Variants in CEP85L observed in about 807,000 individuals in gnomAD.
The protein encoded by CEP85L is centrosomal protein of 85 kDa-like.
A neutral mutation model predicts 100.3 loss-of-function variants in CEP85L; 60 were observed. That is an observed-to-expected ratio of 0.60 (90% confidence interval 0.49 to 0.74). The LOEUF is 0.74. Among genes scored for constraint, CEP85L ranks in the 30% least tolerant of loss-of-function variants. CEP85L has a pLI of 0.00. For synonymous variants in CEP85L, 319 were observed against 322.7 expected (o/e 0.99, Z 0.12); for missense variants, 973 against 936.2 (o/e 1.04, Z -0.51).
chr6:118,536,074 T>C (rs1299508743), intron 3 of CEP85L, among the ~76,000 whole-genome samples: 1 of 152,132 alleles, frequency 6.6e-6, no homozygotes, highest in East Asian at 1.9e-4. Context: ...AAAAAGAACT[T>C]ATCATAATAA....
At chr6:118,591,032 G>C (rs1781162132) in intron 2 of CEP85L, among the ~76,000 whole-genome samples, 2 of 152,140 alleles carry the variant, frequency 1.3e-5, no homozygotes, top group Admixed American at 1.3e-4. Context: ...GTTCAGTTCA[G>C]CTGGGTAAGG....
At chr6:118,487,490 AGAAATCCAAAAATTAGTCAAG>A (rs559948451) in intron 6 of CEP85L, among the ~76,000 whole-genome samples, 161 of 152,360 alleles carry the variant, frequency 1.1e-3, no homozygotes, top group African/African-American at 3.8e-3. Flanking sequence ...TCCCTTTTTA[AGAAATCCAAAAATTAGTCAAG>A]AAGCTATTGT....
intron 2 of CEP85L, among the ~76,000 whole-genome samples, chr6:118,608,311 CG>C (rs1037821574): frequency 5.3e-5 from 8 of 151,996 alleles, no homozygotes; most frequent in Non-Finnish European, 8.8e-5. Flanking sequence ...CTGGCTAACA[CG>C]GTGAAACCCC....
At chr6:118,577,911 G>C (rs137990486) in intron 2 of CEP85L, among the ~76,000 whole-genome samples, 13 of 152,178 alleles carry the variant, frequency 8.5e-5, no homozygotes, top group African/African-American at 2.9e-4. Flanking sequence ...CCTTGTATTC[G>C]TGGATTAGTG....
chr6:118,705,558 G>T (rs1245802397), intron 1 of CEP85L, among the ~76,000 whole-genome samples: 1 of 152,228 alleles, frequency 6.6e-6, no homozygotes, highest in Non-Finnish European at 1.5e-5. Context: ...TCTTAACATT[G>T]TTGAGTTGTG....
chr6:118,573,758 G>A (rs1024257148), intron 2 of CEP85L, among the ~76,000 whole-genome samples: 10 of 152,122 alleles, frequency 6.6e-5, no homozygotes, highest in African/African-American at 1.2e-4. Flanking sequence ...CAGAAGATAC[G>A]TAGAGATGGT....
chr6:118,519,978 G>C (rs1776562479), intron 4 of CEP85L, among the ~76,000 whole-genome samples: 1 of 152,106 alleles, frequency 6.6e-6, no homozygotes, highest in Non-Finnish European at 1.5e-5. Context: ...AACCAAGCGG[G>C]TATATCCCAG....
chr6:118,574,651 C>T (rs1038699075), intron 2 of CEP85L, among the ~76,000 whole-genome samples: 4 of 152,098 alleles, frequency 2.6e-5, no homozygotes, highest in South Asian at 2.1e-4. Flanking sequence ...CCTGGACTCT[C>T]GGCAACACAG....
intron 4 of CEP85L, among the ~76,000 whole-genome samples, chr6:118,516,136 T>A (rs886918899): frequency 6.6e-6 from 1 of 152,226 alleles, no homozygotes; most frequent in African/African-American, 2.4e-5. Context: ...CACATTTTCT[T>A]CACCCAGTTG....
chr6:118,481,214 C>G (rs758564344), intron 8 of CEP85L, among the ~76,000 whole-genome samples: 1 of 151,420 alleles, frequency 6.6e-6, no homozygotes, highest in Non-Finnish European at 1.5e-5. Context: ...TTTACTGGCC[C>G]CTTTTTCGTT....
chr6:118,615,863 G>A (rs1020568009), intron 2 of CEP85L, among the ~76,000 whole-genome samples: 1 of 152,176 alleles, frequency 6.6e-6, no homozygotes, highest in African/African-American at 2.4e-5. Context: ...ACATGACTTC[G>A]CAGTGATAGA....
chr6:118,679,816 C>T lies in CEP85L; in HGVS notation c.-27-27008G>A, dbSNP rs141467972. 1.8e-4 allele frequency among the ~76,000 whole-genome samples: 27 copies of T among 152,242 alleles called. 1 individual carries two copies. In the East Asian group the frequency reaches 3.9e-3, roughly 22 times the overall value. On this transcript the variant is annotated intron_variant, in intron 1 of 13. Transcript: ENST00000368488. ...TCCTCTTTTACACATTTTGAAATCA[C>T]ATTTTTTTTTAACTACAATGGAACT...
intron 4 of CEP85L, among the ~76,000 whole-genome samples, chr6:118,515,456 T>C (rs982592038): frequency 2.6e-5 from 4 of 152,160 alleles, no homozygotes; most frequent in African/African-American, 9.7e-5. Context: ...TCTTCAAGGA[T>C]ACATGAAACA....
At chr6:118,515,300 C>T (rs1776207871) in intron 4 of CEP85L, among the ~76,000 whole-genome samples, 1 of 152,044 alleles carries the variant, frequency 6.6e-6, no homozygotes, top group African/African-American at 2.4e-5. Context: ...TATTTTGACA[C>T]CTGGATCTCA....
chr6:118,499,618 C>T (rs538039242), intron 5 of CEP85L, among the ~76,000 whole-genome samples: 17 of 151,686 alleles, frequency 1.1e-4, no homozygotes, highest in Non-Finnish European at 2.2e-4. Context: ...GAGCCCAGAT[C>T]GCATCACTGC....
intron 1 of CEP85L, among the ~76,000 whole-genome samples, chr6:118,694,661 A>T (rs1053621381): frequency 6.6e-6 from 1 of 152,264 alleles, no homozygotes; most frequent in Non-Finnish European, 1.5e-5. Flanking sequence ...GCAGCATCAC[A>T]TCATAGTTCA....
intron 3 of CEP85L, among the ~76,000 whole-genome samples, chr6:118,552,663 T>C (rs1048434923): frequency 6.6e-6 from 1 of 152,058 alleles, no homozygotes; most frequent in African/African-American, 2.4e-5. Flanking sequence ...GAACTTGATT[T>C]TTTTTTTAAT....
intron 3 of CEP85L, among the ~76,000 whole-genome samples, chr6:118,552,006 T>C (rs1486894041): frequency 6.6e-6 from 1 of 152,006 alleles, no homozygotes; most frequent in Non-Finnish European, 1.5e-5. Context: ...TGTCAGAAAG[T>C]AGTAGAAAAA....
intron 3 of CEP85L, 42 bp from the exon 4 acceptor site, chr6:118,523,962 A>T: frequency 2.5e-6 from 2 of 792,532 alleles, no homozygotes; most frequent in Admixed American, 2.7e-5. Context: ...TAAAATATTT[A>T]AAGAAAATAT....
Sources: gnomAD v4.1 joint callset for allele counts (sites outside exome capture counted in the v4.1 genomes callset) on GRCh38, gnomAD v4.1.1 for gene constraint, MANE v1.5 for transcripts, NCBI Gene and HGNC (gene_info 2026-07-23, HGNC 2026-07-21) for gene names.